The following PTPRZ1 variants were observed in gnomAD, a reference collection of about 807,000 sequenced individuals.
The protein encoded by PTPRZ1 is receptor-type tyrosine-protein phosphatase zeta.
PTPRZ1 carries 82 observed loss-of-function variants against 214.1 expected under a neutral mutation model. The observed-to-expected ratio is 0.38, with a 90% CI of 0.32 to 0.46. The LOEUF (loss-of-function observed/expected upper bound fraction) is 0.46. PTPRZ1 is among the 20% of genes least tolerant of loss of function. The pLI, the probability that PTPRZ1 is intolerant of heterozygous loss-of-function variation, is 1.00. For missense variants in PTPRZ1, 2,603 were observed against 2,748.7 expected, an observed-to-expected ratio of 0.95 and a Z score of 1.19; for synonymous variants, 945 against 987.9, an observed-to-expected ratio of 0.96 and a Z score of 0.81.
chr7:121,936,510 A>G (rs1206515), intron 2 of PTPRZ1, among the ~76,000 whole-genome samples: 55,758 of 152,066 alleles, frequency 0.37, 11,065 homozygotes, highest in African/African-American at 0.52. Context: ...AGCCGGGAGC[A>G]CTGCTGCTGC....
intron 1 of PTPRZ1, among the ~76,000 whole-genome samples, chr7:121,875,444 C>T (rs1013855991): frequency 1.3e-5 from 2 of 152,152 alleles, no homozygotes; most frequent in Non-Finnish European, 2.9e-5. Context: ...ATCACATTTG[C>T]AAAGGTTTTT....
intron 18 of PTPRZ1, among the ~76,000 whole-genome samples, chr7:122,038,221 A>T (rs1424305343): frequency 1.3e-5 from 2 of 152,302 alleles, no homozygotes; most frequent in East Asian, 3.9e-4. Flanking sequence ...GTGGGAAAAC[A>T]GCCAATCCAT....
chr7:121,946,732 G>A lies in PTPRZ1; in HGVS notation c.124+18511G>A, dbSNP rs73439101. Among the ~76,000 whole-genome samples, 612 of 152,210 alleles carry A rather than the reference G, an allele frequency of 4.0e-3. 2 individuals carry two copies. Among genetic ancestry groups the A allele is most frequent in the African/African-American group, 0.014 (572 of 41,514 alleles). The stretch of plus-strand genomic sequence containing the variant: ...AAAGCCTGACAGATACTTTAATCAA[G>A]TGATCAAAGTAAACGTCAGCAAAAA... On this transcript the variant is annotated intron_variant, in intron 2 of 29. Coordinates refer to ENST00000393386, the MANE Select transcript of PTPRZ1 (RefSeq NM_002851.3).
chr7:121,932,602 A>C (rs930823263), intron 2 of PTPRZ1, among the ~76,000 whole-genome samples: 4 of 152,172 alleles, frequency 2.6e-5, no homozygotes, highest in Non-Finnish European at 1.5e-5. Flanking sequence ...CTTGCCCTTG[A>C]GTGTCTGAAC....
At chr7:121,980,794 G>A (rs1486648180) in intron 6 of PTPRZ1, among the ~76,000 whole-genome samples, 1 of 152,206 alleles carries the variant, frequency 6.6e-6, no homozygotes, top group African/African-American at 2.4e-5. Flanking sequence ...AGCTGGAATA[G>A]ACTTTTAAGA....
chr7:121,931,613 A>C (rs1024713), intron 2 of PTPRZ1, among the ~76,000 whole-genome samples: 103,619 of 151,774 alleles, frequency 0.68, 36,879 homozygotes, highest in African/African-American at 0.9. Flanking sequence ...GGTGTGCCTC[A>C]TAAGGTCAGG....
chr7:122,049,178 G>A (rs1181096812), intron 23 of PTPRZ1, among the ~76,000 whole-genome samples: 1 of 151,944 alleles, frequency 6.6e-6, no homozygotes, highest in African/African-American at 2.4e-5. Context: ...ACCAGAAATA[G>A]AAGAAAGCTT....
chr7:122,029,737 G>A (rs1470799038), intron 14 of PTPRZ1, among the ~76,000 whole-genome samples: 1 of 151,228 alleles, frequency 6.6e-6, no homozygotes, highest in Non-Finnish European at 1.5e-5. Context: ...GTTGATGTTT[G>A]TTATATGTTT....
intron 1 of PTPRZ1, among the ~76,000 whole-genome samples, chr7:121,903,162 A>G (rs1396323163): frequency 6.6e-6 from 1 of 152,184 alleles, no homozygotes; most frequent in Non-Finnish European, 1.5e-5. Context: ...AGCAATACCA[A>G]TTATGATAGC....
chr7:121,899,143 A>C (rs1320597545), intron 1 of PTPRZ1, among the ~76,000 whole-genome samples: 1 of 152,154 alleles, frequency 6.6e-6, no homozygotes, highest in Non-Finnish European at 1.5e-5. Flanking sequence ...TTCAGTACTA[A>C]TGGATTTTTT....
At chr7:121,932,416 C>G (rs1293854966) in intron 2 of PTPRZ1, among the ~76,000 whole-genome samples, 1 of 152,084 alleles carries the variant, frequency 6.6e-6, no homozygotes, top group Non-Finnish European at 1.5e-5. Context: ...AAATGTTAGT[C>G]TTATCATTCT....
chr7:121,948,272 C>A (rs1238235436), intron 2 of PTPRZ1, among the ~76,000 whole-genome samples: 1 of 151,590 alleles, frequency 6.6e-6, no homozygotes, highest in Non-Finnish European at 1.5e-5. Context: ...AGAAAAAGAC[C>A]AAAAAAAGCA....
chr7:121,918,539 A>G (rs1161966313), intron 1 of PTPRZ1, among the ~76,000 whole-genome samples: 1 of 152,176 alleles, frequency 6.6e-6, no homozygotes, highest in South Asian at 2.1e-4. Flanking sequence ...TCTATCATGC[A>G]GTCTCTTGGA....
intron 1 of PTPRZ1, among the ~76,000 whole-genome samples, chr7:121,876,734 G>A (rs1053955757): frequency 3.3e-5 from 5 of 151,778 alleles, no homozygotes; most frequent in East Asian, 3.9e-4. Context: ...TCCTTTTTAC[G>A]TATACTGTGG....
At chr7:121,902,220 A>G (rs773883226) in intron 1 of PTPRZ1, among the ~76,000 whole-genome samples, 1 of 152,192 alleles carries the variant, frequency 6.6e-6, no homozygotes, top group African/African-American at 2.4e-5. Flanking sequence ...TGTGATGTAT[A>G]TATACCACAT....
At chr7:121,987,464 A>T (rs1797792487) in intron 8 of PTPRZ1, among the ~76,000 whole-genome samples, 1 of 152,194 alleles carries the variant, frequency 6.6e-6, no homozygotes, top group South Asian at 2.1e-4. Flanking sequence ...CTCTGTTTTA[A>T]GTTCTTGAGA....
chr7:122,042,581 A>G (rs1187830166), intron 21 of PTPRZ1, 27 bp from the exon 22 acceptor site: 1 of 1,555,282 alleles, frequency 6.4e-7, no homozygotes, highest in Non-Finnish European at 8.7e-7. Context: ...TAACATTGAA[A>G]TATTTATTTC....
chr7:121,931,263 A>G (rs1298173539), intron 2 of PTPRZ1, among the ~76,000 whole-genome samples: 1 of 152,208 alleles, frequency 6.6e-6, no homozygotes, highest in Admixed American at 6.5e-5. Flanking sequence ...AACGTGATAC[A>G]TAGAGATGTT....
In PTPRZ1 at chr7:121,968,634, CT is replaced by C. The variant is rs543980301; in HGVS notation, c.304+517del. ...CTAAGTGTCTTTTTATTGAGCCTAT[CT>C]TTTTTTTTTTTTAAAAAAAAGCAAA... On this transcript the variant is annotated intron_variant, in intron 3 of 29. Coordinates refer to ENST00000393386, the MANE Select transcript of PTPRZ1 (RefSeq NM_002851.3). Among the ~76,000 whole-genome samples the C allele has an allele frequency of 7.3e-3, 946 of 129,644 alleles. 3 individuals are homozygous for C. Among genetic ancestry groups the C allele is most frequent in the Middle Eastern group, 0.014 (3 of 222 alleles). 85.1% of individuals were successfully genotyped at this position (129,644 alleles called of 152,430 possible).
Sources: allele counts gnomAD v4.1 joint callset (sites outside exome capture counted in the v4.1 genomes callset), GRCh38; gene constraint gnomAD v4.1.1; transcripts MANE v1.5; gene names NCBI Gene and HGNC (gene_info 2026-07-23, HGNC 2026-07-21).